Variants in MYH10 observed in about 807,000 individuals in gnomAD.
MYH10 encodes the protein myosin-10.
MYH10 carries 55 observed loss-of-function variants against 257.8 expected under a neutral mutation model. The ratio of observed to expected loss-of-function variants is 0.21; its 90% CI spans 0.17 to 0.27. The LOEUF (loss-of-function observed/expected upper bound fraction) is 0.27. Ranked by LOEUF, MYH10 falls within the 10% of genes least tolerant of loss-of-function variation. The pLI is 1.00. For missense variants in MYH10, 1,631 were observed against 2,500.6 expected, an observed-to-expected ratio of 0.65 and a Z score of 7.42; for synonymous variants, 854 against 921.7, an observed-to-expected ratio of 0.93 and a Z score of 1.33.
At position 8,477,869 on chromosome 17, in the gene MYH10, T is replaced by C. The variant is rs1181354373; in HGVS notation, c.5706+469A>G. ...TCAAAGTCCTGCGGAACATTCCCTG[T>C]GTACTTAGAAAAGGGGGCCTGGATG... On this transcript the variant is annotated intron_variant, in intron 41 of 42. Transcript: ENST00000360416. The surrounding 1 kb of genome is among the most constrained non-coding windows in gnomAD (Gnocchi z 4.2). Among the ~76,000 whole-genome samples the C allele has an allele frequency of 2.6e-5, 4 of 152,174 alleles. No individual in the cohort carries two copies. The highest frequency in any genetic ancestry group is 4.4e-5 in the Non-Finnish European group (3 of 68,032).
At chr17:8,600,495 T>C (rs1210709877) in intron 3 of MYH10, among the ~76,000 whole-genome samples, 1 of 152,210 alleles carries the variant, frequency 6.6e-6, no homozygotes, top group African/African-American at 2.4e-5. Context: ...TTCTAAAAGA[T>C]GGCAAAGTCT....
intron 2 of MYH10, among the ~76,000 whole-genome samples, chr17:8,607,893 C>T (rs945136022): frequency 6.6e-6 from 1 of 152,162 alleles, no homozygotes; most frequent in African/African-American, 2.4e-5. Context: ...ACCCCAGGCA[C>T]TGAAAGTCAT....
chr17:8,542,322 G>A (rs767461774), intron 13 of MYH10, 42 bp from the exon 14 acceptor site: 1 of 1,569,388 alleles, frequency 6.4e-7, no homozygotes, highest in Non-Finnish European at 8.7e-7. Flanking sequence ...TGGGGAGGTG[G>A]AGGGAAAATG....
intron 3 of MYH10, among the ~76,000 whole-genome samples, chr17:8,601,536 C>T (rs1292788093): frequency 2.0e-5 from 3 of 149,970 alleles, no homozygotes; most frequent in African/African-American, 7.4e-5. Flanking sequence ...TTCATGGAAC[C>T]CAAGAATCTA....
rs986919847 is a variant in MYH10 at position 8,569,399 on chromosome 17, G to A, written c.756+321C>T. ...GTGCACACCATTTATTCTCTACTCC[G>A]ATTCCACTGACAGGTGTTATTATCA... On this transcript the variant is annotated intron_variant, in intron 7 of 42. Coordinates refer to ENST00000360416, the MANE Select transcript of MYH10 (RefSeq NM_001256012.3). The surrounding 1 kb of genome is among the most constrained non-coding windows in gnomAD (Gnocchi z 4.1). Among the ~76,000 whole-genome samples, 1 of 152,086 alleles carries A rather than the reference G, an allele frequency of 6.6e-6. No individual in the cohort carries two copies. Among genetic ancestry groups the A allele is most frequent in the Non-Finnish European group, 1.5e-5 (1 of 68,018 alleles).
chr17:8,479,078 C>G (rs1913216244), intron 40 of MYH10, among the ~76,000 whole-genome samples: 1 of 152,204 alleles, frequency 6.6e-6, no homozygotes, highest in Non-Finnish European at 1.5e-5. Flanking sequence ...ATCTACCTGT[C>G]AGTTATACTG....
chr17:8,628,538 C>A (rs572677822), intron 1 of MYH10, among the ~76,000 whole-genome samples: 1 of 152,170 alleles, frequency 6.6e-6, no homozygotes, highest in African/African-American at 2.4e-5. Context: ...TGAGCTAAAA[C>A]AGAACTGTCC....
intron 3 of MYH10, among the ~76,000 whole-genome samples, chr17:8,603,715 C>G (rs920643565): frequency 6.6e-6 from 1 of 152,112 alleles, no homozygotes; most frequent in Non-Finnish European, 1.5e-5. Flanking sequence ...CCATCTCTAA[C>G]AGCAATTTTT....
In MYH10 at chr17:8,515,856, G is replaced by A. The variant is rs370894855; in HGVS notation, c.2505-1962C>T. Reference sequence around the variant, plus strand: ...ACCGTGCCTGGCCGGGATTGGCCAAGTCTTAATTCCAAGAGTTTCTACTAC... The same window carrying A: ...ACCGTGCCTGGCCGGGATTGGCCAAATCTTAATTCCAAGAGTTTCTACTAC... On this transcript the variant is annotated intron_variant, in intron 21 of 42. Transcript: ENST00000360416. Among the ~76,000 whole-genome samples, 10 of 152,050 alleles carry A rather than the reference G, an allele frequency of 6.6e-5. No individual in the cohort carries two copies. In the East Asian group the frequency reaches 7.7e-4, roughly 12 times the overall value.
chr17:8,624,319 T>C (rs2085589113), intron 1 of MYH10, among the ~76,000 whole-genome samples: 1 of 152,224 alleles, frequency 6.6e-6, no homozygotes, highest in African/African-American at 2.4e-5. Flanking sequence ...ACATCCATCA[T>C]CTTTCTAATG....
rs529234834 is a variant in MYH10, at chr17:8,502,940, G to A, written c.3599+1754C>T. ...TTCTAGATTTTAAAAAAGCAGATATGTCAAAGAGAAGCCCAGGACTTAAAC... is the reference window on the plus strand; with the variant it reads ...TTCTAGATTTTAAAAAAGCAGATATATCAAAGAGAAGCCCAGGACTTAAAC... On this transcript the variant is annotated intron_variant, in intron 28 of 42. Transcript: ENST00000360416. 5.3e-5 allele frequency among the ~76,000 whole-genome samples: 8 copies of A among 152,364 alleles called. No homozygotes were observed. In the Middle Eastern group the frequency reaches 0.014, roughly 259 times the overall value.
Position 8,535,973 on chromosome 17 carries a change from C to A in MYH10, c.1606-42G>T. On this transcript the variant is annotated intron_variant, in intron 14 of 42. Coordinates refer to ENST00000360416, the MANE Select transcript of MYH10 (RefSeq NM_001256012.3). The surrounding 1 kb of genome is among the most constrained non-coding windows in gnomAD (Gnocchi z 4.3). ...ATAAGAATTCACAAGTTTTGCATGC[C>A]ACTTTAATACTACTGAGTCTGGCAC... is the stretch of plus-strand genomic sequence containing the variant. 1 of 1,561,206 alleles carries A rather than the reference C, an allele frequency of 6.4e-7. No homozygotes were observed. The highest frequency in any genetic ancestry group is 1.1e-5 in the South Asian group (1 of 88,052).
At chr17:8,566,154 C>T (rs933339563) in intron 7 of MYH10, among the ~76,000 whole-genome samples, 2 of 152,152 alleles carry the variant, frequency 1.3e-5, no homozygotes, top group Non-Finnish European at 2.9e-5. Context: ...ACACCGCCAA[C>T]GTCCCTTGGG....
At chr17:8,541,756 C>T (rs1354919934) in intron 14 of MYH10, among the ~76,000 whole-genome samples, 1 of 152,112 alleles carries the variant, frequency 6.6e-6, no homozygotes, top group East Asian at 1.9e-4. Context: ...ACGTCTTGTT[C>T]TCAGCTAAAT....
chr17:8,518,014 C>T (rs1597718787), intron 21 of MYH10, among the ~76,000 whole-genome samples: 1 of 106,614 alleles, frequency 9.4e-6, no homozygotes, highest in Non-Finnish European at 2.0e-5. Flanking sequence ...GGACCCCATA[C>T]CCCTTGGCCC....
chr17:8,610,720 G>A (rs2085007405), intron 2 of MYH10, among the ~76,000 whole-genome samples: 1 of 152,188 alleles, frequency 6.6e-6, no homozygotes. Context: ...CTTCTCCCAT[G>A]GAATGATGCC....
At chr17:8,481,448 T>TA (rs749132512) in intron 37 of MYH10, 38 bp from the exon 38 acceptor site, 13 of 1,590,282 alleles carry the variant, frequency 8.2e-6, no homozygotes, top group Middle Eastern at 1.7e-4. Flanking sequence ...TGGCTGTGAA[T>TA]AGTTTCCTCA....
At chr17:8,539,935 C>T (rs1449699481) in intron 14 of MYH10, among the ~76,000 whole-genome samples, 3 of 152,172 alleles carry the variant, frequency 2.0e-5, no homozygotes, top group Non-Finnish European at 2.9e-5. Context: ...AATATTTACA[C>T]ATAAGGCCTG....
chr17:8,479,024 A>T (rs1333593572), intron 40 of MYH10, among the ~76,000 whole-genome samples: 1 of 152,184 alleles, frequency 6.6e-6, no homozygotes, highest in East Asian at 1.9e-4. Flanking sequence ...GAGCCAGCGC[A>T]CCCGGCCTGT....
Sources: allele counts gnomAD v4.1 joint callset (sites outside exome capture counted in the v4.1 genomes callset), GRCh38; gene constraint gnomAD v4.1.1; non-coding constraint Gnocchi (gnomAD v3.1); transcripts MANE v1.5; gene names NCBI Gene and HGNC (gene_info 2026-07-23, HGNC 2026-07-21).